DTWD2: variants seen among roughly 807,000 people sequenced by gnomAD.
The protein encoded by DTWD2 is DTW motif tRNA-uridine aminocarboxypropyltransferase 2.
In DTWD2, 39 loss-of-function variants were observed where a neutral mutation model predicts 31.8. That is an observed-to-expected ratio of 1.22 (90% CI 0.95 to 1.60). DTWD2 has a LOEUF of 1.60. Ranked by LOEUF, DTWD2 falls within the 40% of genes most tolerant of loss-of-function variation. The pLI is 0.00. For synonymous variants in DTWD2, 180 were observed against 142.8 expected, an observed-to-expected ratio of 1.26 and a Z score of -1.86; for missense variants, 515 against 381.5, an observed-to-expected ratio of 1.35 and a Z score of -2.92.
chr5:118,853,327 G>C (rs1752056117), intron 4 of DTWD2, among the ~76,000 whole-genome samples: 1 of 152,128 alleles, frequency 6.6e-6, no homozygotes, highest in Admixed American at 6.6e-5. Context: ...AGCCTCTATA[G>C]AAATTAGTTT....
At chr5:118,920,213 A>G (rs1250994519) in intron 4 of DTWD2, among the ~76,000 whole-genome samples, 3 of 152,182 alleles carry the variant, frequency 2.0e-5, no homozygotes, top group African/African-American at 7.2e-5. Flanking sequence ...CAACTAAGAC[A>G]TATCTACATA....
At position 118,958,046 on chromosome 5, in the gene DTWD2, A is replaced by G. The variant is rs186423067; in HGVS notation, c.219-13397T>C. On this transcript the variant is annotated intron_variant, in intron 1 of 5. Coordinates refer to ENST00000510708, the MANE Select transcript of DTWD2 (RefSeq NM_173666.4). ...CTAATTTTTTTAAATCAACTGCAGT[A>G]TGTAATCAAAATAATTATATCACTG... Among the ~76,000 whole-genome samples the G allele has an allele frequency of 1.0e-3, 157 of 152,308 alleles. 1 individual carries two copies. The highest frequency in any genetic ancestry group is 3.7e-3 in the African/African-American group (153 of 41,578).
chr5:118,965,041 T>A (rs968809948), intron 1 of DTWD2, among the ~76,000 whole-genome samples: 7 of 148,822 alleles, frequency 4.7e-5, no homozygotes, highest in African/African-American at 1.8e-4. Flanking sequence ...GGGGAGCACC[T>A]CTGCCCCGCC....
intron 4 of DTWD2, among the ~76,000 whole-genome samples, chr5:118,890,318 T>C (rs574100457): frequency 6.6e-6 from 1 of 152,308 alleles, no homozygotes; most frequent in South Asian, 2.1e-4. Flanking sequence ...AATAGTCTTA[T>C]ATATACTTCA....
chr5:118,845,537 T>G (rs1751832597), intron 5 of DTWD2, among the ~76,000 whole-genome samples: 1 of 152,204 alleles, frequency 6.6e-6, no homozygotes, highest in Non-Finnish European at 1.5e-5. Flanking sequence ...ATTATGTATT[T>G]CTTCTGCTCA....
intron 2 of DTWD2, among the ~76,000 whole-genome samples, chr5:118,943,771 A>C (rs1754263759): frequency 6.6e-6 from 1 of 152,160 alleles, no homozygotes; most frequent in African/African-American, 2.4e-5. Context: ...CATCATTTGA[A>C]AGAAAGAAAA....
intron 1 of DTWD2, among the ~76,000 whole-genome samples, chr5:118,946,075 A>G (rs923813248): frequency 1.3e-5 from 2 of 152,228 alleles, no homozygotes; most frequent in African/African-American, 4.8e-5. Context: ...ACACCCTCTC[A>G]TTCTGCAAGA....
intron 4 of DTWD2, among the ~76,000 whole-genome samples, chr5:118,891,828 G>A (rs1752982939): frequency 6.6e-6 from 1 of 152,134 alleles, no homozygotes; most frequent in Non-Finnish European, 1.5e-5. Flanking sequence ...AACTACTAGT[G>A]ACTGAATTAA....
intron 4 of DTWD2, among the ~76,000 whole-genome samples, chr5:118,888,497 T>C (rs1752914143): frequency 1.3e-5 from 2 of 152,226 alleles, no homozygotes; most frequent in Admixed American, 6.5e-5. Context: ...TGTTTATCCA[T>C]GCACCTATTG....
At chr5:118,975,459 T>C (rs552793952) in intron 1 of DTWD2, among the ~76,000 whole-genome samples, 1 of 152,250 alleles carries the variant, frequency 6.6e-6, no homozygotes, top group South Asian at 2.1e-4. Context: ...CTTCCTTACA[T>C]TGGGTTAGAA....
intron 4 of DTWD2, among the ~76,000 whole-genome samples, chr5:118,896,332 G>A (rs1190247086): frequency 6.6e-6 from 1 of 151,888 alleles, no homozygotes; most frequent in Non-Finnish European, 1.5e-5. Context: ...AGTTCTTCTG[G>A]AGAATAAAAA....
chr5:118,928,778 A>G lies in DTWD2; in HGVS notation c.405-49T>C, dbSNP rs777057325. 9.3e-6 allele frequency: 13 copies of G among 1,400,130 alleles called. No homozygotes were observed. In the East Asian group the frequency reaches 3.1e-4, roughly 34 times the overall value. The allele number at this position is 1,400,130 out of a possible 1,614,324, so 86.7% of individuals were successfully genotyped here. On this transcript the variant is annotated intron_variant, in intron 3 of 5. Transcript: ENST00000510708. ...ATCTTTATTAGCTTGTGAGGAAAAA[A>G]GGTTTTATTATGCTTACTGAATTTC... is the stretch of plus-strand genomic sequence containing the variant.
At chr5:118,986,101 A>G (rs760470591) in intron 1 of DTWD2, among the ~76,000 whole-genome samples, 2 of 152,186 alleles carry the variant, frequency 1.3e-5, no homozygotes, top group Non-Finnish European at 2.9e-5. Flanking sequence ...TTGTGCACCT[A>G]CCATGTCCCA....
intron 4 of DTWD2, among the ~76,000 whole-genome samples, chr5:118,907,909 T>C (rs1010343345): frequency 1.3e-5 from 2 of 152,124 alleles, no homozygotes; most frequent in Non-Finnish European, 2.9e-5. Context: ...CTTTACTCGA[T>C]CAATAAAAAT....
rs1261529905 is a variant in DTWD2 at position 118,839,755 on chromosome 5, T to G, written c.*1162A>C. ...TTTTCTGCATAGTTTCCCCAAATAT[T>G]AGCATTCTAATTGTGACCAGCATTA... is the stretch of plus-strand genomic sequence containing the variant. On this transcript the variant is annotated 3_prime_UTR_variant, in exon 6 of 6. Coordinates refer to ENST00000510708, the MANE Select transcript of DTWD2 (RefSeq NM_173666.4). 2 of 152,236 alleles carry G rather than the reference T, an allele frequency of 1.3e-5. No individual in the cohort carries two copies. Among genetic ancestry groups the G allele is most frequent in the Non-Finnish European group, 2.9e-5 (2 of 68,048 alleles). 9.4% of individuals were successfully genotyped at this position (152,236 alleles called of 1,614,324 possible).
At chr5:118,850,658 T>C (rs1751979942) in intron 4 of DTWD2, among the ~76,000 whole-genome samples, 1 of 151,952 alleles carries the variant, frequency 6.6e-6, no homozygotes, top group Non-Finnish European at 1.5e-5. Flanking sequence ...AAGCAAGAGT[T>C]GGCAAGTGGA....
chr5:118,968,930 A>C (rs1410211255), intron 1 of DTWD2, among the ~76,000 whole-genome samples: 1 of 151,958 alleles, frequency 6.6e-6, no homozygotes. Context: ...GAAATGAACC[A>C]AGTTCCTGAG....
At chr5:118,907,191 C>T (rs531501588) in intron 4 of DTWD2, among the ~76,000 whole-genome samples, 1 of 152,328 alleles carries the variant, frequency 6.6e-6, no homozygotes, top group African/African-American at 2.4e-5. Context: ...TTCCCCACTT[C>T]TCCTTTCAAA....
chr5:118,922,119 A>G (rs1376254727), intron 4 of DTWD2, among the ~76,000 whole-genome samples: 2 of 152,180 alleles, frequency 1.3e-5, no homozygotes, highest in Non-Finnish European at 2.9e-5. Flanking sequence ...TTCCTAGCAA[A>G]TGTCAAGGGT....
Sources: allele counts gnomAD v4.1 joint callset (sites outside exome capture counted in the v4.1 genomes callset), GRCh38; gene constraint gnomAD v4.1.1; transcripts MANE v1.5; gene names NCBI Gene and HGNC (gene_info 2026-07-23, HGNC 2026-07-21).